CAPN12: variants seen among roughly 807,000 people sequenced by gnomAD.
The protein encoded by CAPN12 is calpain 12, also known as calpain-12.
Under a neutral mutation model 95.0 loss-of-function variants are expected in CAPN12, and 107 were observed. The observed-to-expected ratio is 1.13, with a 90% CI of 0.96 to 1.32. The LOEUF is 1.32. Among genes scored for constraint, CAPN12 ranks in the 40% most tolerant of loss-of-function variants. The pLI is 0.00. For synonymous variants in CAPN12, 505 were observed against 415.5 expected (o/e 1.22, Z -2.62); for missense variants, 1,136 against 997.8 (o/e 1.14, Z -1.87).
At position 38,740,095 on chromosome 19, in the gene CAPN12, G is replaced by A. The variant is rs148454997; in HGVS notation, c.685C>T (p.Arg229Cys). 1.8e-3 allele frequency: 2,969 copies of A among 1,612,156 alleles called. 2 individuals are homozygous for A. The highest frequency in any genetic ancestry group is 5.0e-3 in the East Asian group (225 of 44,830). ...AGGGACTCCTTGGCCAGGGCATGGCGCAGGGCAGAGAACAGCCCCATGCTG... is the reference window on the plus strand; with the variant it reads ...AGGGACTCCTTGGCCAGGGCATGGCACAGGGCAGAGAACAGCCCCATGCTG... ...QNSMGLFSAL[R>C]HALAKESLVG... is the part of the protein sequence containing the mutation. Residue 229 changes from arginine (R) to cysteine (C), a missense_variant, in exon 5 of 21, where the codon CGC becomes TGC. Arg to Cys is a radical substitution (Grantham distance 180). Transcript: ENST00000328867.
intron 11 of CAPN12, 41 bp from the exon 12 acceptor site, chr19:38,736,359 C>G: frequency 1.4e-6 from 2 of 1,466,062 alleles, no homozygotes; most frequent in Non-Finnish European, 1.8e-6. Flanking sequence ...GGCTCACCCC[C>G]GGCCCTTCAT....
At chr19:38,743,552 A>G in intron 1 of CAPN12, among the ~76,000 whole-genome samples, 1 of 76,226 alleles carries the variant, frequency 1.3e-5, no homozygotes, top group Non-Finnish European at 2.8e-5. Flanking sequence ...GTCCAGGTCC[A>G]GCCCCTCCTC....
At position 38,738,332 on chromosome 19, in the gene CAPN12, G is replaced by C; in HGVS notation, c.906C>G (p.Asp302Glu). Residue 302 changes from aspartate (D) to glutamate (E), a missense_variant, in exon 8 of 21, where the codon GAC (aspartate) becomes GAG (glutamate). Asp to Glu is a conservative substitution (Grantham distance 45). Coordinates refer to ENST00000328867, the MANE Select transcript of CAPN12 (RefSeq NM_144691.4). ...GAWSDSCPRWDTLPTECRDAL... is the reference protein window; with the variant it reads ...GAWSDSCPRWETLPTECRDAL... Reference sequence around the variant, plus strand: ...CATCGCGGCACTCGGTGGGGAGTGTGTCCCAGCGTGGGCAGCTGGAGAGAC... The same window carrying C: ...CATCGCGGCACTCGGTGGGGAGTGTCTCCCAGCGTGGGCAGCTGGAGAGAC... The C allele has an allele frequency of 2.5e-6, 4 of 1,612,048 alleles. No individual in the cohort carries two copies. Among genetic ancestry groups the C allele is most frequent in the Admixed American group, 3.3e-5 (2 of 60,010 alleles).
rs1289808083 is a variant in CAPN12 at position 38,735,962 on chromosome 19, GGGGGC to G, written c.1583+143_1583+147del. 1.1e-3 allele frequency: 41 copies of G among 35,762 alleles called. 5 individuals are homozygous for G. Among genetic ancestry groups the G allele is most frequent in the South Asian group, 4.8e-3 (4 of 836 alleles). 2.2% of individuals were successfully genotyped at this position (35,762 alleles called of 1,614,324 possible). A position where few individuals can be genotyped will look rare whatever the true frequency, so the allele number is the denominator to read the frequency against. ...GGGGGCGGGGCGGGGCGGGGGTTCTGGGGGCGGGGCGGGGCGGGGCAGGGGTTCTG... is the reference window on the plus strand; with the variant it reads ...GGGGGCGGGGCGGGGCGGGGGTTCTGGGGGCGGGGCGGGGCAGGGGTTCTG... On this transcript the variant is annotated intron_variant, in intron 12 of 20. Coordinates refer to ENST00000328867, the MANE Select transcript of CAPN12 (RefSeq NM_144691.4).
intron 4 of CAPN12, 51 bp downstream of exon 4, chr19:38,741,726 T>G (rs749725515): frequency 6.2e-7 from 1 of 1,603,672 alleles, no homozygotes; most frequent in South Asian, 1.1e-5. Context: ...TGTGGCTTGA[T>G]GCCTGCTGTG....
At chr19:38,738,762 T>A in intron 5 of CAPN12, 114 bp from the exon 6 acceptor site, 1 of 852,158 alleles carries the variant, frequency 1.2e-6, no homozygotes, top group Non-Finnish European at 1.9e-6. Flanking sequence ...CTGAACTGAA[T>A]GGCACGCAGC....
At position 38,734,174 on chromosome 19, in the gene CAPN12, G is replaced by A. The variant is rs1040201377; in HGVS notation, c.1846C>T (p.Gln616Ter). Residue 616 changes from glutamine to a stop codon, truncating the protein, a stop_gained, in exon 17 of 21, where the codon CAG becomes TAG. Transcript: ENST00000328867. LOFTEE classifies it high-confidence loss of function. ...TCCAGGAGGTAGCCCCAGAGCTGCT[G>A]GAAGTGGTGTAAGGCCAGGCTTTGC... ...HGQSLALHHF[Q>*]QLWGYLLEWQ... The A allele has an allele frequency of 2.5e-6, 4 of 1,612,914 alleles. No homozygotes were observed. Among genetic ancestry groups the A allele is most frequent in the African/African-American group, 2.7e-5 (2 of 74,926 alleles).
At chr19:38,742,850 CAAAA>C (rs11406594) in intron 2 of CAPN12, among the ~76,000 whole-genome samples, 179 bp downstream of exon 2, 24 of 53,286 alleles carry the variant, frequency 4.5e-4, no homozygotes, top group South Asian at 1.3e-3. Flanking sequence ...GACCCCATCT[CAAAA>C]AAAAAAAAAA....
chr19:38,731,581 C>G, intron 18 of CAPN12: 1 of 316,328 alleles, frequency 3.2e-6, no homozygotes, highest in South Asian at 3.7e-5. Flanking sequence ...ATAGTCAATC[C>G]CATATGGAGT....
At position 38,736,163 on chromosome 19, in the gene CAPN12, G is replaced by T. The variant is rs201698633; in HGVS notation, c.1530C>A (p.Gly510=). ...CACGCAGAGTGAAGTCAGCCTCGTC[G>T]CCGGCGTGGGCGGTGCTCGGCACCA... is the stretch of plus-strand genomic sequence containing the variant. The part of the protein sequence containing the change: ...YLVVPSTAHA[G]DEADFTLRVF... Residue 510 remains glycine (G), a synonymous_variant, in exon 12 of 21, where the codon GGC becomes GGA. Transcript: ENST00000328867. 3 of 1,513,728 alleles carry T rather than the reference G, an allele frequency of 2.0e-6. No individual in the cohort carries two copies. The Admixed American group carries it at 6.2e-5, about 31-fold the overall frequency. 93.8% of individuals were successfully genotyped at this position (1,513,728 alleles called of 1,614,324 possible). A position where few individuals can be genotyped will look rare whatever the true frequency, so the allele number is the denominator to read the frequency against.
chr19:38,744,558 CCTCTCTCCCCCTCCCTCTGACAGTTT>C (rs1414139811), upstream of CAPN12: 6 of 276,622 alleles, frequency 2.2e-5, no homozygotes, highest in Admixed American at 4.7e-5. Flanking sequence ...TCTCAGACTG[CCTCTCTCCCCCTCCCTCTGACAGTTT>C]CTCTCTCCCC....
chr19:38,733,903 G>T, intron 17 of CAPN12, 122 bp from the exon 18 acceptor site: 1 of 880,168 alleles, frequency 1.1e-6, no homozygotes, highest in Non-Finnish European at 1.8e-6. Context: ...TGGACCCCCA[G>T]CAAGCAGCCT....
In CAPN12 at chr19:38,735,444, A is replaced by G. The variant is rs545961947; in HGVS notation, c.1627-15T>C. On this transcript the variant is annotated splice_polypyrimidine_tract_variant and intron_variant, in intron 13 of 20. Transcript: ENST00000328867. ...AGGTAGGGGCCCTGCCGCATGGCGG[A>G]AGTTTAGCGCTGGCCAAGATCCCCG... The G allele has an allele frequency of 2.1e-4, 338 of 1,610,584 alleles. 3 individuals carry two copies. In the South Asian group the frequency reaches 3.6e-3, roughly 17 times the overall value.
At position 38,735,315 on chromosome 19, in the gene CAPN12, GT is replaced by G. The variant is rs1017060665; in HGVS notation, c.1686+54del. On this transcript the variant is annotated intron_variant, in intron 14 of 20. Transcript: ENST00000328867. The stretch of plus-strand genomic sequence containing the variant: ...GAGATGCTGGGGTGGGGGAAGGGGG[GT>G]CCCCAAGGGGAGGCCGCAGCGGGAT... 261 of 1,495,732 alleles carry G rather than the reference GT, an allele frequency of 1.7e-4. No individual in the cohort carries two copies. In the East Asian group the frequency reaches 3.7e-3, roughly 21 times the overall value. 92.7% of individuals were successfully genotyped at this position (1,495,732 alleles called of 1,614,324 possible). A position where few individuals can be genotyped will look rare whatever the true frequency, so the allele number is the denominator to read the frequency against.
chr19:38,733,435 G>C (rs1969780580), intron 18 of CAPN12: 1 of 462,954 alleles, frequency 2.2e-6, no homozygotes, highest in Non-Finnish European at 3.9e-6. Flanking sequence ...CCCCTTCCTG[G>C]AGGGGCCTCT....
rs1377207369 is a variant in CAPN12, at chr19:38,731,106, C to A, written c.2074+1G>T. On this transcript the variant is annotated splice_donor_variant, in intron 19 of 20. Transcript: ENST00000328867. LOFTEE classifies it high-confidence loss of function. ...CCCCACCATGCCGGGGTGGTACTCACAGAAGATGCAGGTGAGGTGGGCCAC... is the reference window on the plus strand; with the variant it reads ...CCCCACCATGCCGGGGTGGTACTCAAAGAAGATGCAGGTGAGGTGGGCCAC... The A allele has an allele frequency of 6.2e-7, 1 of 1,610,232 alleles. No homozygotes were observed. The highest frequency in any genetic ancestry group is 1.3e-5 in the African/African-American group (1 of 74,826).
rs1334469394 is a variant in CAPN12 at position 38,736,700 on chromosome 19, C to CGCA, written c.1363-140_1363-138dup. On this transcript the variant is annotated intron_variant, in intron 10 of 20. Transcript: ENST00000328867. ...TTAGACCCTTATTGAACCTTTGCCCCGCAGTCCCCGACCCAGGCCCTCGCC... is the reference window on the plus strand; with the variant it reads ...TTAGACCCTTATTGAACCTTTGCCCCGCAGCAGTCCCCGACCCAGGCCCTCGCC... The CGCA allele has an allele frequency of 2.7e-6, 3 of 1,115,846 alleles. No homozygotes were observed. In the Admixed American group the frequency reaches 8.5e-5, roughly 32 times the overall value. The allele number at this position is 1,115,846 out of a possible 1,614,324, so 69.1% of individuals were successfully genotyped here.
At chr19:38,740,578 T>G (rs1970488026) in intron 4 of CAPN12, among the ~76,000 whole-genome samples, 1 of 152,080 alleles carries the variant, frequency 6.6e-6, no homozygotes, top group South Asian at 2.1e-4. Context: ...GGCAAGTGGA[T>G]CACCTGAGGT....
Position 38,730,706 on chromosome 19 carries a change from T to TC in CAPN12, c.*145dup. The TC allele has an allele frequency of 2.1e-6, 2 of 966,176 alleles. No homozygotes were observed. Among genetic ancestry groups the TC allele is most frequent in the Non-Finnish European group, 3.1e-6 (2 of 641,368 alleles). The allele number at this position is 966,176 out of a possible 1,614,324, so 59.9% of individuals were successfully genotyped here. ...GTGAGGAGTACGCAGGCCAGAGTGG[T>TC]CACCCGGCCGTGAGCAGTGAGGGCC... is the stretch of plus-strand genomic sequence containing the variant. On this transcript the variant is annotated 3_prime_UTR_variant, in exon 21 of 21. Coordinates refer to ENST00000328867, the MANE Select transcript of CAPN12 (RefSeq NM_144691.4).
Sources: allele counts gnomAD v4.1 joint callset (sites outside exome capture counted in the v4.1 genomes callset), GRCh38; gene constraint gnomAD v4.1.1; transcripts MANE v1.5; gene names NCBI Gene and HGNC (gene_info 2026-07-23, HGNC 2026-07-21).